The following METTL15 variants were observed in gnomAD, a reference collection of about 807,000 sequenced individuals.
The protein encoded by METTL15 is methyltransferase 15, mitochondrial 12S rRNA N4-cytidine.
A neutral mutation model predicts 38.3 loss-of-function variants in METTL15; 34 were observed. That is an observed-to-expected ratio of 0.89 (90% CI 0.68 to 1.18). The LOEUF is 1.18. Among genes scored for constraint, METTL15 ranks in the 50% most tolerant of loss-of-function variants. METTL15 has a pLI of 0.00. For missense variants in METTL15, 438 were observed against 498.4 expected (o/e 0.88, Z 1.15); for synonymous variants, 162 against 170.9 (o/e 0.95, Z 0.41).
At chr11:28,291,007 C>A (rs1377518274) in intron 5 of METTL15, among the ~76,000 whole-genome samples, 2 of 150,828 alleles carry the variant, frequency 1.3e-5, no homozygotes, top group Non-Finnish European at 2.9e-5. Context: ...TTAGATAACA[C>A]AAAAACAATC....
chr11:28,216,420 A>G (rs1166478715), intron 4 of METTL15, among the ~76,000 whole-genome samples: 2 of 152,158 alleles, frequency 1.3e-5, no homozygotes, highest in Admixed American at 1.3e-4. Context: ...TGCCTGTCAG[A>G]CTTGAAGAAA....
chr11:28,468,540 A>T (rs1164137557), intron 6 of METTL15, among the ~76,000 whole-genome samples: 1 of 152,188 alleles, frequency 6.6e-6, no homozygotes, highest in Non-Finnish European at 1.5e-5. Flanking sequence ...GTTGTTCATA[A>T]ATCTGTGAAG....
intron 3 of METTL15, among the ~76,000 whole-genome samples, chr11:28,174,429 T>C (rs1850975579): frequency 6.6e-6 from 1 of 152,232 alleles, no homozygotes; most frequent in Non-Finnish European, 1.5e-5. Flanking sequence ...ATTTGGAATT[T>C]ACTGTAATAT....
In METTL15 at chr11:28,482,605, C is replaced by T. The variant is rs1228377232; in HGVS notation, c.*425-43873C>T. On this transcript the variant is annotated intron_variant and NMD_transcript_variant, in intron 6 of 7. Coordinates refer to the METTL15 transcript ENST00000532947. ...GTATTAGCTTATTAGCTCCACTTAT[C>T]AGATGAGGAAGGTAAAGCTCAGATG... Among the ~76,000 whole-genome samples the T allele has an allele frequency of 2.6e-5, 4 of 152,328 alleles. No homozygotes were observed. The East Asian group carries it at 7.7e-4, about 29-fold the overall frequency.
chr11:28,210,950 C>T, intron 3 of METTL15, 112 bp from the exon 4 acceptor site: 2 of 1,116,170 alleles, frequency 1.8e-6, no homozygotes, highest in Non-Finnish European at 2.5e-6. Context: ...TAATTATTTT[C>T]CTATTTACTG....
chr11:28,367,966 C>T (rs1240953525), intron 5 of METTL15, among the ~76,000 whole-genome samples: 2 of 151,704 alleles, frequency 1.3e-5, no homozygotes, highest in African/African-American at 4.8e-5. Context: ...AAGACTTAAA[C>T]GTAAGACCTA....
intron 5 of METTL15, among the ~76,000 whole-genome samples, chr11:28,416,812 G>T (rs1850776270): frequency 6.6e-6 from 1 of 152,136 alleles, no homozygotes; most frequent in Non-Finnish European, 1.5e-5. Context: ...ACCATCTCTT[G>T]ATGGAACCTA....
chr11:28,349,167 T>C (rs1348079462), intron 3 of METTL15, among the ~76,000 whole-genome samples: 5 of 152,268 alleles, frequency 3.3e-5, no homozygotes, highest in Non-Finnish European at 7.3e-5. Flanking sequence ...GGGTTTATTA[T>C]TGCTTTATCT....
At chr11:28,135,051 T>C (rs10835273) in intron 3 of METTL15, among the ~76,000 whole-genome samples, 57,667 of 152,088 alleles carry the variant, frequency 0.38, 12,531 homozygotes, top group African/African-American at 0.6. Flanking sequence ...AGCCAGTTAT[T>C]GCTGGTTGGT....
chr11:28,275,077 A>G (rs974238982), intron 4 of METTL15, among the ~76,000 whole-genome samples: 22 of 151,780 alleles, frequency 1.4e-4, no homozygotes, highest in Admixed American at 9.9e-4. Flanking sequence ...AAACAAGAAC[A>G]TACAAAATCC....
At chr11:28,341,658 A>G (rs1849953852) in intron 3 of METTL15, among the ~76,000 whole-genome samples, 1 of 152,234 alleles carries the variant, frequency 6.6e-6, no homozygotes, top group Admixed American at 6.5e-5. Flanking sequence ...TAAATAGGGT[A>G]TGCACAAAGT....
intron 5 of METTL15, among the ~76,000 whole-genome samples, chr11:28,414,217 A>G (rs1475395213): frequency 6.6e-6 from 1 of 152,054 alleles, no homozygotes; most frequent in African/African-American, 2.4e-5. Context: ...ACCTGATGGA[A>G]CCTGGAGCTA....
chr11:28,460,089 T>C (rs1445674396), intron 6 of METTL15, among the ~76,000 whole-genome samples: 1 of 152,136 alleles, frequency 6.6e-6, no homozygotes, highest in Middle Eastern at 3.4e-3. Flanking sequence ...ATCATTTTTA[T>C]TTTATTTAAA....
At chr11:28,212,929 T>C (rs756760804) in intron 4 of METTL15, among the ~76,000 whole-genome samples, 1 of 152,160 alleles carries the variant, frequency 6.6e-6, no homozygotes, top group Non-Finnish European at 1.5e-5. Flanking sequence ...AAATGTAGCT[T>C]AAAGTTTACA....
chr11:28,412,395 T>TTA (rs144772873), intron 5 of METTL15, among the ~76,000 whole-genome samples: 2,705 of 150,836 alleles, frequency 0.018, 52 homozygotes, highest in African/African-American at 0.052. Flanking sequence ...TATGAAAATG[T>TTA]TATATATATA....
chr11:28,252,397 G>A (rs1854782063), intron 4 of METTL15, among the ~76,000 whole-genome samples: 1 of 152,028 alleles, frequency 6.6e-6, no homozygotes, highest in Non-Finnish European at 1.5e-5. Flanking sequence ...CTTTAAATCT[G>A]TAACTCCCTT....
At chr11:28,478,597 G>A (rs1045012643) in intron 6 of METTL15, among the ~76,000 whole-genome samples, 5 of 151,968 alleles carry the variant, frequency 3.3e-5, no homozygotes, top group African/African-American at 7.3e-5. Context: ...TGGTATCCCC[G>A]CTTTTGATGC....
At chr11:28,221,504 G>A (rs1294651079) in intron 4 of METTL15, among the ~76,000 whole-genome samples, 1 of 151,936 alleles carries the variant, frequency 6.6e-6, no homozygotes, top group African/African-American at 2.4e-5. Flanking sequence ...CCATGGGTTT[G>A]TACTTCCTCC....
chr11:28,521,937 T>C (rs1278369294), intron 6 of METTL15, among the ~76,000 whole-genome samples: 1 of 152,218 alleles, frequency 6.6e-6, no homozygotes, highest in Non-Finnish European at 1.5e-5. Context: ...TCCACAACTC[T>C]GGCAAGAATC....
Sources: gnomAD v4.1 joint callset for allele counts (sites outside exome capture counted in the v4.1 genomes callset) on GRCh38, gnomAD v4.1.1 for gene constraint, MANE v1.5 for transcripts, NCBI Gene and HGNC (gene_info 2026-07-23, HGNC 2026-07-21) for gene names.